The following TMEM255A variants were observed in gnomAD, a reference collection of about 807,000 sequenced individuals.
TMEM255A encodes the protein transmembrane protein 255A, also known as family with sequence similarity 70, member A.
TMEM255A carries 14 observed loss-of-function variants against 23.5 expected under a neutral mutation model. The observed-to-expected ratio is 0.60, with a 90% confidence interval of 0.39 to 0.93. The LOEUF (loss-of-function observed/expected upper bound fraction) is 0.93. Among genes scored for constraint, TMEM255A ranks in the 40% least tolerant of loss-of-function variants. TMEM255A has a pLI of 0.00. For synonymous variants in TMEM255A, 104 were observed against 100.3 expected, an observed-to-expected ratio of 1.04 and a Z score of -0.22; for missense variants, 233 against 261.7, an observed-to-expected ratio of 0.89 and a Z score of 0.76.
rs1371973931 is a variant in TMEM255A, at chrX:120,260,809, C to T, written c.*61G>A. 3 of 1,184,669 alleles carry T rather than the reference C, an allele frequency of 2.5e-6. No homozygotes were observed. In the African/African-American group the frequency reaches 5.3e-5, roughly 21 times the overall value. On this transcript the variant is annotated 3_prime_UTR_variant, in exon 9 of 9. Coordinates refer to ENST00000371369, the MANE Select transcript of TMEM255A (RefSeq NM_001104544.3). ...CACTTTAAATTTTGTACCCTACACACTTCCACTGAAGCAGAAATACAAAAG... is the reference window on the plus strand; with the variant it reads ...CACTTTAAATTTTGTACCCTACACATTTCCACTGAAGCAGAAATACAAAAG...
intron 8 of TMEM255A, among the ~76,000 whole-genome samples, chrX:120,267,036 A>G (rs782209394): frequency 3.5e-4 from 39 of 112,052 alleles, no homozygotes; most frequent in Non-Finnish European, 5.6e-4. Context: ...GGTCATCGCC[A>G]AGGTCTGATT....
rs1428723636 is a variant in TMEM255A, at chrX:120,268,358, A to G, written c.705T>C (p.Ser235=). Residue 235 remains serine, a synonymous_variant, in exon 8 of 9, where the codon TCT becomes TCC. Transcript: ENST00000371369. ...AAACTGTTGGATGGGTATTTTCAAC[A>G]GAACAGTTCAGTGCTGGGAGAGTTG... The part of the protein sequence containing the change: ...MNPTLPALNC[S]VENTHPTVSY... 1 of 1,209,802 alleles carries G rather than the reference A, an allele frequency of 8.3e-7. No individual in the cohort carries two copies. The highest frequency in any genetic ancestry group is 1.7e-5 in the African/African-American group (1 of 57,689).
At chrX:120,310,737 C>G (rs1482120531) in intron 1 of TMEM255A, among the ~76,000 whole-genome samples, 3 of 73,373 alleles carry the variant, frequency 4.1e-5, no homozygotes, top group Non-Finnish European at 7.9e-5. Flanking sequence ...CCGCCCCCCC[C>G]CCCCAATCAG....
intron 2 of TMEM255A, among the ~76,000 whole-genome samples, chrX:120,303,855 T>G (rs782682745): frequency 1.6e-4 from 18 of 111,751 alleles, no homozygotes; most frequent in Non-Finnish European, 3.2e-4. Flanking sequence ...TGTATATATA[T>G]AATTTATAAG....
chrX:120,282,016 T>A (rs2147195015), intron 6 of TMEM255A, among the ~76,000 whole-genome samples: 1 of 112,337 alleles, frequency 8.9e-6, no homozygotes, highest in African/African-American at 3.2e-5. Flanking sequence ...GTTCCCACTT[T>A]TTTTTTCTTG....
intron 2 of TMEM255A, among the ~76,000 whole-genome samples, chrX:120,297,129 TA>T (rs1214924078): frequency 6.2e-5 from 2 of 32,315 alleles, no homozygotes; most frequent in African/African-American, 1.5e-4. Context: ...TTATAATATA[TA>T]ATATTATATA....
chrX:120,268,190 G>C, intron 8 of TMEM255A, 54 bp downstream of exon 8: 1 of 1,138,675 alleles, frequency 8.8e-7, no homozygotes, highest in Admixed American at 2.5e-5. Flanking sequence ...GAGAACAAGA[G>C]AGCATGAGTG....
rs1255073193 is a variant in TMEM255A, at chrX:120,268,257, G to A, written c.806C>T (p.Ala269Val). ...CCCAAAACATACCTGAAAGTCATAA[G>A]CAGAATATGGTGGCAGGTGAGGAGG... is the stretch of plus-strand genomic sequence containing the variant. ...HSPPHLPPYSAYDFQHSGVFP... is the reference protein window; with the variant it reads ...HSPPHLPPYSVYDFQHSGVFP... The change falls in exon 8 of 9, where the codon GCT (alanine) becomes GTT (valine). Residue 269 changes from alanine (A) to valine (V), a missense_variant. Coordinates refer to ENST00000371369, the MANE Select transcript of TMEM255A (RefSeq NM_001104544.3). 3 of 1,206,516 alleles carry A rather than the reference G, an allele frequency of 2.5e-6. No individual in the cohort carries two copies. The highest frequency in any genetic ancestry group is 3.4e-6 in the Non-Finnish European group (3 of 893,818).
downstream of TMEM255A, chrX:120,254,003 T>G: frequency 3.3e-6 from 4 of 1,194,766 alleles, no homozygotes; most frequent in African/African-American, 1.8e-5. Context: ...ATGATGTCAT[T>G]TTTTGCTCCG....
chrX:120,277,820 G>T (rs1052417731), intron 6 of TMEM255A, among the ~76,000 whole-genome samples: 3 of 111,843 alleles, frequency 2.7e-5, no homozygotes, highest in Non-Finnish European at 5.6e-5. Context: ...AGTCGCCTCC[G>T]TGGGGAGGCC....
chrX:120,270,573 A>G (rs968694066), intron 7 of TMEM255A, among the ~76,000 whole-genome samples: 6 of 111,500 alleles, frequency 5.4e-5, no homozygotes, highest in Non-Finnish European at 1.1e-4. Flanking sequence ...GGAAAGATAT[A>G]TTCACTTTTT....
Position 120,285,016 on chromosome X carries a change from T to C in TMEM255A, c.512+111A>G. On this transcript the variant is annotated intron_variant, in intron 6 of 8. Transcript: ENST00000371369. ...CTGTTAGCCAAAATCTGTTAACAGA[T>C]CAATGTCTTCCACTTCCCTAATTCC... The C allele has an allele frequency of 7.3e-6, 5 of 686,754 alleles. No homozygotes were observed. The South Asian group carries it at 1.1e-4, about 16-fold the overall frequency. 56.6% of individuals were successfully genotyped at this position (686,754 alleles called of 1,213,427 possible). A position where few individuals can be genotyped will look rare whatever the true frequency, so the allele number is the denominator to read the frequency against.
chrX:120,260,707 C>G lies in TMEM255A; in HGVS notation c.*163G>C, dbSNP rs893980975. 7 of 684,482 alleles carry G rather than the reference C, an allele frequency of 1.0e-5. No homozygotes were observed. Among genetic ancestry groups the G allele is most frequent in the Non-Finnish European group, 1.5e-5 (7 of 476,675 alleles). The allele number at this position is 684,482 out of a possible 1,213,427, so 56.4% of individuals were successfully genotyped here. A position where few individuals can be genotyped will look rare whatever the true frequency, so the allele number is the denominator to read the frequency against. On this transcript the variant is annotated 3_prime_UTR_variant, in exon 9 of 9. Coordinates refer to ENST00000371369, the MANE Select transcript of TMEM255A (RefSeq NM_001104544.3). ...GTTCAGCCTGACCACCCCTGCTCTG[C>G]ACTAATAATGAATAAGCTTCGTCCC...
At chrX:120,285,526 G>A (rs1396663504) in intron 5 of TMEM255A, 3 of 1,082,450 alleles carry the variant, frequency 2.8e-6, no homozygotes, top group Non-Finnish European at 1.3e-6. Context: ...AAGGAAATGA[G>A]AATATGAGGG....
rs1556021980 is a variant in TMEM255A, at chrX:120,287,181, G to A, written c.396C>T (p.Pro132=). ...CCTCAGCTTCCTTCTGTGATGTCTT[G>A]GGAACATAATGGCACCGGTTAGCGT... ...PLYANRCHYV[P]KTSQKEAEEV... The change falls in exon 5 of 9, where the codon CCC becomes CCT. Residue 132 remains proline (P), a synonymous_variant. Coordinates refer to ENST00000371369, the MANE Select transcript of TMEM255A (RefSeq NM_001104544.3). 7.4e-6 allele frequency: 9 copies of A among 1,208,734 alleles called. No homozygotes were observed. The highest frequency in any genetic ancestry group is 2.2e-5 in the Admixed American group (1 of 45,678).
chrX:120,273,946 C>T (rs1556019270), intron 7 of TMEM255A, among the ~76,000 whole-genome samples: 2 of 112,071 alleles, frequency 1.8e-5, no homozygotes, highest in African/African-American at 6.5e-5. Flanking sequence ...CAAACAAGTA[C>T]TTGTAAGTGA....
the TMEM255A span, among the ~76,000 whole-genome samples, chrX:120,251,821 TAAACG>T: frequency 1.8e-5 from 2 of 110,507 alleles, no homozygotes; most frequent in African/African-American, 6.8e-5. Flanking sequence ...GGGGGACACA[TAAACG>T]AAACGAAACC....
intron 1 of TMEM255A, among the ~76,000 whole-genome samples, chrX:120,309,296 T>C (rs1556027740): frequency 8.8e-6 from 1 of 113,363 alleles, no homozygotes; most frequent in Non-Finnish European, 1.9e-5. Context: ...GTGTGGAGAC[T>C]GGGCTGGGCG....
intron 3 of TMEM255A, among the ~76,000 whole-genome samples, chrX:120,292,312 G>A (rs2057921205): frequency 8.9e-6 from 1 of 111,738 alleles, no homozygotes; most frequent in South Asian, 3.7e-4. Context: ...GCTTTTCCAG[G>A]GGCAGAGATA....
Sources: allele counts gnomAD v4.1 joint callset (sites outside exome capture counted in the v4.1 genomes callset), GRCh38; gene constraint gnomAD v4.1.1; transcripts MANE v1.5; gene names NCBI Gene and HGNC (gene_info 2026-07-23, HGNC 2026-07-21).